The following DNAH9 variants were observed in gnomAD, a reference collection of about 807,000 sequenced individuals.
DNAH9 encodes the protein dynein axonemal heavy chain 9, also known as DNAH9 variant protein.
In DNAH9, 345 loss-of-function variants were observed where a neutral mutation model predicts 471.6. The observed-to-expected ratio is 0.73, with a 90% CI of 0.67 to 0.80. The LOEUF (loss-of-function observed/expected upper bound fraction) is 0.80, where lower values mean the gene tolerates loss of function less well. Ranked by LOEUF, DNAH9 falls within the 30% of genes least tolerant of loss-of-function variation. DNAH9 has a pLI of 0.00. For missense variants in DNAH9, 5,407 were observed against 5,609.2 expected, an observed-to-expected ratio of 0.96 and a Z score of 1.15; for synonymous variants, 2,093 against 2,123.6, an observed-to-expected ratio of 0.99 and a Z score of 0.40.
At chr17:11,778,374 A>T (rs1968541128) in intron 38 of DNAH9, among the ~76,000 whole-genome samples, 1 of 150,156 alleles carries the variant, frequency 6.7e-6, no homozygotes, top group Non-Finnish European at 1.5e-5. Context: ...AAAAGGGAAG[A>T]AAAAAAAGAG....
intron 41 of DNAH9, 141 bp downstream of exon 41, chr17:11,784,680 G>A: frequency 3.3e-6 from 4 of 1,211,742 alleles, no homozygotes; most frequent in Non-Finnish European, 4.7e-6. Flanking sequence ...ACATAAGCAG[G>A]TACACACAGT....
At position 11,705,093 on chromosome 17, in the gene DNAH9, C is replaced by G; in HGVS notation, c.5460C>G (p.His1820Gln). 6.2e-7 allele frequency: 1 copy of G among 1,614,166 alleles called. No homozygotes were observed. The highest frequency in any genetic ancestry group is 8.5e-7 in the Non-Finnish European group (1 of 1,179,956). ...ATCGTTGGGATGACGAGGTCAAACA[C>G]TGCTTTGCCAACATCTGTGATGCCC... ...LRHRWDDEVK[H>Q]CFANICDAQF... The change falls in exon 26 of 69, where the codon CAC (histidine) becomes CAG (glutamine). Residue 1820 changes from histidine (H) to glutamine (Q), a missense_variant. His to Gln is a conservative substitution (Grantham distance 24, BLOSUM62 0). Around this residue, in one of 3 missense-constraint regions of DNAH9, gnomAD observed 4,636 missense variants for 4,900.3 expected, o/e 0.95. Transcript: ENST00000262442.
chr17:11,637,037 G>T (rs967410003), intron 9 of DNAH9, among the ~76,000 whole-genome samples: 6 of 152,180 alleles, frequency 3.9e-5, no homozygotes, highest in African/African-American at 1.4e-4. Flanking sequence ...CTTCTGTTCA[G>T]CTGAGACCTT....
At chr17:11,917,118 A>C (rs554712937) in intron 61 of DNAH9, among the ~76,000 whole-genome samples, 6 of 151,072 alleles carry the variant, frequency 4.0e-5, no homozygotes, top group African/African-American at 1.5e-4. Context: ...AATTCCATCC[A>C]CTCTTCTTGG....
chr17:11,746,711 C>G (rs1966893818), intron 31 of DNAH9, among the ~76,000 whole-genome samples: 1 of 152,126 alleles, frequency 6.6e-6, no homozygotes, highest in Non-Finnish European at 1.5e-5. Flanking sequence ...TTAAAAGGAG[C>G]TCAGAATCTC....
chr17:11,681,083 C>T (rs2074125647), intron 19 of DNAH9, among the ~76,000 whole-genome samples, 194 bp downstream of exon 19: 1 of 152,028 alleles, frequency 6.6e-6, no homozygotes, highest in Admixed American at 6.6e-5. Context: ...ATGAAAAGGC[C>T]AAGGATTGTA....
At chr17:11,705,212 G>A (rs200992257) in intron 26 of DNAH9, 27 bp downstream of exon 26, 35 of 1,608,972 alleles carry the variant, frequency 2.2e-5, no homozygotes, top group Non-Finnish European at 2.9e-5. Context: ...ACCACTGACA[G>A]CCTTACTGCT....
intron 12 of DNAH9, among the ~76,000 whole-genome samples, chr17:11,649,032 CAGG>C (rs1555556165): frequency 6.6e-6 from 1 of 151,662 alleles, no homozygotes; most frequent in Non-Finnish European, 1.5e-5. Flanking sequence ...GAGGCTGAGG[CAGG>C]AGAATTGCTT....
chr17:11,657,132 G>C (rs2073667637), intron 14 of DNAH9, among the ~76,000 whole-genome samples: 1 of 152,144 alleles, frequency 6.6e-6, no homozygotes. Flanking sequence ...ATGTGTGTAA[G>C]TAATAGCCCA....
At position 11,762,777 on chromosome 17, in the gene DNAH9, T is replaced by TTG. The variant is rs1187109281; in HGVS notation, c.6996-662_6996-661insGT. Among the ~76,000 whole-genome samples the TTG allele has an allele frequency of 4.8e-4, 54 of 113,106 alleles. 1 individual carries two copies. The highest frequency in any genetic ancestry group is 9.2e-4 in the African/African-American group (22 of 24,036). The allele number at this position is 113,106 out of a possible 152,430, so 74.2% of individuals were successfully genotyped here. Reference sequence around the variant, plus strand: ...AGGTGCGTTTTTTTTTTTGTTTTTTTTTTTTTTTTTTTTTTTTTTTGAGAT... The same window carrying TTG: ...AGGTGCGTTTTTTTTTTTGTTTTTTTTGTTTTTTTTTTTTTTTTTTTTGAGAT... On this transcript the variant is annotated intron_variant, in intron 35 of 68. Transcript: ENST00000262442.
intron 62 of DNAH9, among the ~76,000 whole-genome samples, chr17:11,926,035 G>GGAAAAAAAAAAAAA (rs1567555306): frequency 1.2e-4 from 7 of 59,896 alleles, no homozygotes; most frequent in South Asian, 7.8e-4. Flanking sequence ...GAGATTCTCT[G>GGAAAAAAAAAAAAA]AAAAAAAAAA....
chr17:11,620,215 CA>C (rs1392793428), intron 6 of DNAH9, among the ~76,000 whole-genome samples: 1 of 151,464 alleles, frequency 6.6e-6, no homozygotes, highest in Non-Finnish European at 1.5e-5. Context: ...GACCTTGTCT[CA>C]AAAAAACAAA....
intron 62 of DNAH9, among the ~76,000 whole-genome samples, chr17:11,929,465 C>G (rs1439833547): frequency 6.6e-6 from 1 of 152,166 alleles, no homozygotes; most frequent in Non-Finnish European, 1.5e-5. Context: ...GCACAAGAAT[C>G]TGTATTTTAA....
intron 10 of DNAH9, among the ~76,000 whole-genome samples, chr17:11,640,682 C>T (rs1355527495): frequency 6.6e-6 from 1 of 152,204 alleles, no homozygotes; most frequent in African/African-American, 2.4e-5. Context: ...AGTTCTTCCA[C>T]ACGTCTCCCT....
At chr17:11,888,206 G>A (rs374019328) in intron 57 of DNAH9, among the ~76,000 whole-genome samples, 70 of 151,922 alleles carry the variant, frequency 4.6e-4, no homozygotes, top group African/African-American at 5.6e-4. Flanking sequence ...GGATGGTCTC[G>A]ATCTCCGGAC....
chr17:11,878,004 G>T (rs1178267083), intron 53 of DNAH9, among the ~76,000 whole-genome samples: 2 of 152,106 alleles, frequency 1.3e-5, no homozygotes, highest in African/African-American at 4.8e-5. Flanking sequence ...AAAGTGCTGG[G>T]ATTACAGACA....
At position 11,650,963 on chromosome 17, in the gene DNAH9, A is replaced by G. The variant is rs2073494352; in HGVS notation, c.2098-106A>G. ...TGATAGGAGCAGAACTTAAGAAAAG[A>G]CCCAGAAGATCTTTGGGCCTCCTGG... On this transcript the variant is annotated intron_variant, in intron 12 of 68. Coordinates refer to ENST00000262442, the MANE Select transcript of DNAH9 (RefSeq NM_001372.4). 48 of 1,195,586 alleles carry G rather than the reference A, an allele frequency of 4.0e-5. 3 individuals carry two copies. In the South Asian group the frequency reaches 7.0e-4, roughly 17 times the overall value. The allele number at this position is 1,195,586 out of a possible 1,614,324, so 74.1% of individuals were successfully genotyped here.
intron 26 of DNAH9, among the ~76,000 whole-genome samples, chr17:11,715,040 C>A (rs1362803649): frequency 6.6e-6 from 1 of 152,098 alleles, no homozygotes; most frequent in Non-Finnish European, 1.5e-5. Context: ...GCACTGAGTG[C>A]GTGGTAATTT....
chr17:11,680,823 G>A lies in DNAH9; in HGVS notation c.3677G>A (p.Arg1226Lys), dbSNP rs764552694. The change falls in exon 19 of 69, where the codon AGG becomes AAG. Residue 1226 changes from arginine to lysine, a missense_variant. Coordinates refer to ENST00000262442, the MANE Select transcript of DNAH9 (RefSeq NM_001372.4). ...QANEVTLLRQ[R>K]CTAFDAEQQQ... ...AATGAAGTGACACTCCTCCGCCAGA[G>A]GTGCACAGCCTTCGATGCAGAACAG... is the stretch of plus-strand genomic sequence containing the variant. 1.3e-5 allele frequency: 21 copies of A among 1,613,788 alleles called. No homozygotes were observed. The African/African-American group carries it at 2.4e-4, about 18-fold the overall frequency.
Sources: allele counts gnomAD v4.1 joint callset (sites outside exome capture counted in the v4.1 genomes callset), GRCh38; gene constraint gnomAD v4.1.1; regional missense constraint gnomAD v4.1.1; transcripts MANE v1.5; gene names NCBI Gene and HGNC (gene_info 2026-07-23, HGNC 2026-07-21).